The following STK3 variants were observed in gnomAD, a reference collection of about 807,000 sequenced individuals.
STK3 encodes the protein serine/threonine-protein kinase 3.
A neutral mutation model predicts 58.0 loss-of-function variants in STK3; 41 were observed. The observed-to-expected ratio is 0.71, with a 90% CI of 0.55 to 0.92. The LOEUF (loss-of-function observed/expected upper bound fraction) is 0.92, where lower values mean the gene tolerates loss of function less well. Among genes scored for constraint, STK3 ranks in the 40% least tolerant of loss-of-function variants. The pLI, the probability that STK3 is intolerant of heterozygous loss-of-function variation, is 0.00. For synonymous variants in STK3, 170 were observed against 191.0 expected (o/e 0.89, Z 0.91); for missense variants, 479 against 602.7 (o/e 0.79, Z 2.15).
At chr8:98,662,444 T>C (rs1338990103) in intron 6 of STK3, among the ~76,000 whole-genome samples, 1 of 152,196 alleles carries the variant, frequency 6.6e-6, no homozygotes, top group East Asian at 1.9e-4. Context: ...AATTAAACAA[T>C]ATGATCTATG....
At position 98,595,613 on chromosome 8, in the gene STK3, CA is replaced by C. The variant is rs199895197; in HGVS notation, c.822+418del. On this transcript the variant is annotated intron_variant, in intron 7 of 10. Transcript: ENST00000419617. The stretch of plus-strand genomic sequence containing the variant: ...CAAAGTCTACTTACAATTATTCTAT[CA>C]AAAAAAATTGAAACTCTGAAGCTCT... 289 of 152,258 alleles carry C rather than the reference CA, an allele frequency of 1.9e-3. 1 individual carries two copies. The highest frequency in any genetic ancestry group is 6.5e-3 in the African/African-American group (268 of 41,430). The allele number at this position is 152,258 out of a possible 1,614,324, so 9.4% of individuals were successfully genotyped here. A position where few individuals can be genotyped will look rare whatever the true frequency, so the allele number is the denominator to read the frequency against.
chr8:98,592,754 T>TTTATTTAA (rs1586958209), intron 7 of STK3, among the ~76,000 whole-genome samples: 2 of 150,112 alleles, frequency 1.3e-5, no homozygotes, highest in East Asian at 3.9e-4. Context: ...TATTTATTTA[T>TTTATTTAA]TTATTTATTT....
intron 8 of STK3, among the ~76,000 whole-genome samples, chr8:98,577,946 T>A (rs965220826): frequency 1.3e-5 from 2 of 151,480 alleles, no homozygotes; most frequent in African/African-American, 2.4e-5. Context: ...ATCTTAAGCA[T>A]GTTAAAAAAA....
At chr8:98,388,829 C>T (rs1817818596), upstream of STK3, among the ~76,000 whole-genome samples, 1 of 152,154 alleles carries the variant, frequency 6.6e-6, no homozygotes, top group African/African-American at 2.4e-5. Context: ...TAGCTGATGT[C>T]CTTTGCCATT....
chr8:98,758,337 G>A lies in STK3; in HGVS notation c.236+8906C>T, dbSNP rs377097953. Among the ~76,000 whole-genome samples the A allele has an allele frequency of 9.7e-4, 147 of 152,224 alleles. 1 individual carries two copies. In the Middle Eastern group the frequency reaches 0.014, roughly 14 times the overall value. ...CATTCTGATACCAAAATGTGGCAGA[G>A]ACAAAATGAAAAAGAAAACTTCAGA... On this transcript the variant is annotated intron_variant, in intron 3 of 10. Coordinates refer to ENST00000419617, the MANE Select transcript of STK3 (RefSeq NM_006281.4).
At chr8:98,419,572 G>A (rs371643933) in intron 3 of STK3, among the ~76,000 whole-genome samples, 1 of 152,180 alleles carries the variant, frequency 6.6e-6, no homozygotes, top group East Asian at 1.9e-4. Flanking sequence ...CTCCTAGAGA[G>A]CCTGGGCATC....
chr8:98,774,662 T>C, intron 2 of STK3, 77 bp downstream of exon 2: 1 of 1,039,672 alleles, frequency 9.6e-7, no homozygotes, highest in South Asian at 1.7e-5. Context: ...TATACTCTAG[T>C]TGAAAGATTA....
chr8:98,895,942 A>G (rs1838427529), intron 1 of STK3, among the ~76,000 whole-genome samples: 1 of 152,220 alleles, frequency 6.6e-6, no homozygotes, highest in Non-Finnish European at 1.5e-5. Flanking sequence ...GAAAAATAAG[A>G]CAGGCATAAT....
At chr8:98,664,612 T>C (rs1045487849) in intron 6 of STK3, among the ~76,000 whole-genome samples, 1 of 152,338 alleles carries the variant, frequency 6.6e-6, no homozygotes, top group East Asian at 1.9e-4. Flanking sequence ...TAAAACGACA[T>C]CTTATAAGGT....
intron 3 of STK3, among the ~76,000 whole-genome samples, chr8:98,762,177 C>G (rs1339065338): frequency 6.6e-6 from 1 of 152,174 alleles, no homozygotes; most frequent in Non-Finnish European, 1.5e-5. Context: ...ACTGAAACAG[C>G]CTACCCATTC....
At position 98,676,620 on chromosome 8, in the gene STK3, A is replaced by G. The variant is rs1823233905; in HGVS notation, c.684+29847T>C. 3.3e-5 allele frequency among the ~76,000 whole-genome samples: 5 copies of G among 152,166 alleles called. No homozygotes were observed. In the South Asian group the frequency reaches 1.0e-3, roughly 31 times the overall value. On this transcript the variant is annotated intron_variant, in intron 6 of 10. Transcript: ENST00000419617. ...AAGAGTGAAACTCTATCTTTAAAAAAAAAAAAAAAGTTAAACGGTAAATTT... is the reference window on the plus strand; with the variant it reads ...AAGAGTGAAACTCTATCTTTAAAAAGAAAAAAAAAGTTAAACGGTAAATTT...
At chr8:98,559,100 T>A (rs1811815296) in intron 8 of STK3, among the ~76,000 whole-genome samples, 2 of 152,160 alleles carry the variant, frequency 1.3e-5, no homozygotes, top group African/African-American at 4.8e-5. Context: ...ATACTTCATG[T>A]GCAAGTATAC....
At chr8:98,586,994 C>G (rs1300235904) in intron 7 of STK3, among the ~76,000 whole-genome samples, 2 of 149,872 alleles carry the variant, frequency 1.3e-5, no homozygotes, top group African/African-American at 5.0e-5. Flanking sequence ...CTCTTTTTTT[C>G]TTTATTAGTC....
chr8:98,767,159 A>C, intron 3 of STK3, 84 bp downstream of exon 3: 1 of 1,392,130 alleles, frequency 7.2e-7, no homozygotes, highest in Non-Finnish European at 9.5e-7. Flanking sequence ...AACTAAACAG[A>C]TGATCAAAGA....
Position 98,586,866 on chromosome 8 carries a change from T to C in STK3, c.823-7077A>G, listed in dbSNP as rs1161699224. Among the ~76,000 whole-genome samples the C allele has an allele frequency of 1.4e-4, 21 of 152,004 alleles. 1 individual carries two copies. The highest frequency in any genetic ancestry group is 1.4e-3 in the Admixed American group (21 of 15,288). ...GAGGAATTTATCCATTTCTTCTAGA[T>C]TTTCTAGTTTATTTGCGTAGAGGTG... On this transcript the variant is annotated intron_variant, in intron 7 of 10. Transcript: ENST00000419617.
At chr8:98,905,724 A>G in intron 1 of STK3, 1 of 583,376 alleles carries the variant, frequency 1.7e-6, no homozygotes, top group Non-Finnish European at 3.2e-6. Flanking sequence ...CGTCAGAGAG[A>G]ACCCTACAAA....
chr8:98,883,714 T>C (rs1277120825), downstream of STK3: 1 of 702,998 alleles, frequency 1.4e-6, no homozygotes, highest in South Asian at 1.5e-5. Context: ...GCTGCTCCGT[T>C]CCTAAGGCAG....
chr8:98,617,589 G>C (rs921611881), intron 6 of STK3, among the ~76,000 whole-genome samples: 6 of 152,050 alleles, frequency 3.9e-5, no homozygotes, highest in African/African-American at 1.2e-4. Flanking sequence ...GAAAAAAAGA[G>C]AGGAAAATCA....
intron 10 of STK3, among the ~76,000 whole-genome samples, chr8:98,458,125 A>ACACACACACATGTG (rs1218387767): frequency 2.0e-5 from 3 of 152,060 alleles, no homozygotes; most frequent in Non-Finnish European, 2.9e-5. Flanking sequence ...ACACACACAC[A>ACACACACACATGTG]CACACACACA....
Sources: gnomAD v4.1 joint callset for allele counts (sites outside exome capture counted in the v4.1 genomes callset) on GRCh38, gnomAD v4.1.1 for gene constraint, MANE v1.5 for transcripts, NCBI Gene and HGNC (gene_info 2026-07-23, HGNC 2026-07-21) for gene names.